The following CUBN variants were observed in gnomAD, a reference collection of about 807,000 sequenced individuals.
CUBN encodes cubilin, also known as 460 kDa receptor.
CUBN carries 282 observed loss-of-function variants against 405.3 expected under a neutral mutation model. The observed-to-expected ratio is 0.70, with a 90% confidence interval of 0.63 to 0.77. The LOEUF (loss-of-function observed/expected upper bound fraction) is 0.77, where lower values mean the gene tolerates loss of function less well. Ranked by LOEUF, CUBN falls within the 30% of genes least tolerant of loss-of-function variation. The pLI, the probability that CUBN is intolerant of heterozygous loss-of-function variation, is 0.00. For missense variants in CUBN, 4,514 were observed against 4,475.2 expected, an observed-to-expected ratio of 1.01 and a Z score of -0.25; for synonymous variants, 1,684 against 1,617.0, an observed-to-expected ratio of 1.04 and a Z score of -0.99.
In CUBN at chr10:16,876,945, TG is replaced by T; in HGVS notation, c.9057del (p.Asn3020ThrfsTer15). 1 of 1,614,168 alleles carries T rather than the reference TG, an allele frequency of 6.2e-7. No individual in the cohort carries two copies. The highest frequency in any genetic ancestry group is 8.5e-7 in the Non-Finnish European group (1 of 1,180,030). ...IAGPVLLNFY[S>X]NEQITDFGFK... The stretch of plus-strand genomic sequence containing the variant: ...AATCCGAAGTCTGTGATTTGCTCGT[TG>T]GAGTAGAAGTTAAGCAGAACCGGCC... On this transcript the variant is annotated frameshift_variant, in exon 57 of 67. Coordinates refer to ENST00000377833, the MANE Select transcript of CUBN (RefSeq NM_001081.4). LOFTEE classifies it high-confidence loss of function.
At chr10:17,070,249 G>C (rs1174321634) in intron 19 of CUBN, among the ~76,000 whole-genome samples, 2 of 152,312 alleles carry the variant, frequency 1.3e-5, no homozygotes, top group East Asian at 1.9e-4. Context: ...ACTTCAATAA[G>C]ATACTGTCTT....
chr10:17,125,737 C>T (rs1457362323), intron 4 of CUBN, among the ~76,000 whole-genome samples: 1 of 152,144 alleles, frequency 6.6e-6, no homozygotes, highest in Non-Finnish European at 1.5e-5. Flanking sequence ...TTCAACATTC[C>T]TCCTGAGGGA....
chr10:16,928,215 G>A lies in CUBN; in HGVS notation c.6213C>T (p.Ile2071=). 1 of 1,614,010 alleles carries A rather than the reference G, an allele frequency of 6.2e-7. No homozygotes were observed. Among genetic ancestry groups the A allele is most frequent in the Non-Finnish European group, 8.5e-7 (1 of 1,179,920 alleles). The change falls in exon 41 of 67, where the codon ATC becomes ATT. Residue 2071 remains isoleucine, a synonymous_variant. Coordinates refer to ENST00000377833, the MANE Select transcript of CUBN (RefSeq NM_001081.4). ...TTACACTGGAGTCCGAGGTGAAGCGGATGAACATGTACTCTCCAGTAGACC... is the reference window on the plus strand; with the variant it reads ...TTACACTGGAGTCCGAGGTGAAGCGAATGAACATGTACTCTCCAGTAGACC... ...PIRSTGEYMF[I]RFTSDSSVTR... is the part of the protein sequence containing the mutation.
Position 17,059,116 on chromosome 10 carries a change from C to CA in CUBN, c.3139+6391dup, listed in dbSNP as rs35107494. On this transcript the variant is annotated intron_variant, in intron 22 of 66. Transcript: ENST00000377833. ...ACATATTTTTCTCTCTGACCAACCT[C>CA]AAAAAAAAAAAATGTAAAGAAAGAA... Among the ~76,000 whole-genome samples the CA allele has an allele frequency of 7.2e-3, 1,040 of 145,042 alleles. 12 individuals are homozygous for CA. Among genetic ancestry groups the CA allele is most frequent in the African/African-American group, 0.026 (987 of 38,572 alleles).
rs143927367 is a variant in CUBN, at chr10:17,108,277, T to C, written c.1111+1363A>G. Among the ~76,000 whole-genome samples, 853 of 152,268 alleles carry C rather than the reference T, an allele frequency of 5.6e-3. 7 individuals carry two copies. The highest frequency in any genetic ancestry group is 9.2e-3 in the Non-Finnish European group (629 of 68,020). On this transcript the variant is annotated intron_variant, in intron 10 of 66. Coordinates refer to ENST00000377833, the MANE Select transcript of CUBN (RefSeq NM_001081.4). ...TCACTGAGGACAAGCAGCTAAAATC[T>C]GGTGGAGCCCAGGGAAAAATGCAAG... is the stretch of plus-strand genomic sequence containing the variant.
intron 56 of CUBN, among the ~76,000 whole-genome samples, chr10:16,877,481 T>C (rs1333016617): frequency 2.0e-5 from 3 of 152,076 alleles, no homozygotes; most frequent in Non-Finnish European, 4.4e-5. Context: ...GGGTTGCTCC[T>C]GAAGATGCTG....
At chr10:17,042,226 A>G (rs763590960) in intron 26 of CUBN, among the ~76,000 whole-genome samples, 6 of 152,170 alleles carry the variant, frequency 3.9e-5, no homozygotes, top group Non-Finnish European at 8.8e-5. Context: ...TTTAGGTCAC[A>G]GTTTTGTCCA....
At chr10:16,932,210 C>T (rs1327920916) in intron 40 of CUBN, among the ~76,000 whole-genome samples, 1 of 152,154 alleles carries the variant, frequency 6.6e-6, no homozygotes, top group Non-Finnish European at 1.5e-5. Context: ...TTTTCTCACT[C>T]GGCAGGGGTC....
chr10:16,969,192 A>G (rs777614593), intron 31 of CUBN, among the ~76,000 whole-genome samples: 1 of 152,174 alleles, frequency 6.6e-6, no homozygotes, highest in Admixed American at 6.5e-5. Flanking sequence ...GTCCTCTGAG[A>G]TTTTCCACCA....
intron 65 of CUBN, 69 bp downstream of exon 65, chr10:16,831,183 T>G (rs1838979187): frequency 7.4e-7 from 1 of 1,355,390 alleles, no homozygotes; most frequent in African/African-American, 1.4e-5. Flanking sequence ...AAAGTTACTT[T>G]GCCTTTTACT....
chr10:16,940,369 G>T, intron 36 of CUBN, 132 bp from the exon 37 acceptor site: 2 of 877,240 alleles, frequency 2.3e-6, no homozygotes, highest in Non-Finnish European at 3.6e-6. Context: ...ACATTATTTG[G>T]CTGTCTCAAA....
chr10:16,908,488 A>G (rs1841620714), intron 48 of CUBN, among the ~76,000 whole-genome samples: 1 of 152,232 alleles, frequency 6.6e-6, no homozygotes, highest in African/African-American at 2.4e-5. Flanking sequence ...TGAAAAATCA[A>G]TCTCCATCTG....
chr10:16,874,277 G>A lies in CUBN; in HGVS notation c.9236+97C>T, dbSNP rs1588610183. 1.3e-5 allele frequency: 16 copies of A among 1,278,724 alleles called. No individual in the cohort carries two copies. In the East Asian group the frequency reaches 3.5e-4, roughly 28 times the overall value. 79.2% of individuals were successfully genotyped at this position (1,278,724 alleles called of 1,614,324 possible). On this transcript the variant is annotated intron_variant, in intron 58 of 66. Coordinates refer to ENST00000377833, the MANE Select transcript of CUBN (RefSeq NM_001081.4). ...CTCTGTGTAGATTTCCCTCCAGACT[G>A]CCGATGAGAATCAGTGCCCTCCATC...
At chr10:16,930,169 C>T (rs1318944758) in intron 40 of CUBN, among the ~76,000 whole-genome samples, 1 of 152,166 alleles carries the variant, frequency 6.6e-6, no homozygotes, top group African/African-American at 2.4e-5. Flanking sequence ...TAGAAGGCAA[C>T]TTGGCAATTC....
intron 63 of CUBN, among the ~76,000 whole-genome samples, 165 bp from the exon 64 acceptor site, chr10:16,835,360 G>A (rs1839137942): frequency 6.6e-6 from 1 of 152,230 alleles, no homozygotes; most frequent in Admixed American, 6.5e-5. Context: ...GAGCAGTGAA[G>A]TGAATTGCTC....
In CUBN at chr10:17,068,051, A is replaced by T. The variant is rs781454995; in HGVS notation, c.3008+13T>A. On this transcript the variant is annotated intron_variant, in intron 21 of 66. Coordinates refer to ENST00000377833, the MANE Select transcript of CUBN (RefSeq NM_001081.4). ...AGTTTTATTGTTAAACAAACAAACA[A>T]ACATAACCTTACCTTCCAAGGGATG... is the stretch of plus-strand genomic sequence containing the variant. 2 of 1,597,036 alleles carry T rather than the reference A, an allele frequency of 1.3e-6. No individual in the cohort carries two copies. Among genetic ancestry groups the T allele is most frequent in the Non-Finnish European group, 8.6e-7 (1 of 1,164,788 alleles).
Position 17,045,040 on chromosome 10 carries a change from C to G in CUBN, c.3639G>C (p.Glu1213Asp). 6.2e-7 allele frequency: 1 copy of G among 1,614,034 alleles called. No individual in the cohort carries two copies. Among genetic ancestry groups the G allele is most frequent in the South Asian group, 1.1e-5 (1 of 91,080 alleles). The change falls in exon 25 of 67, where the codon GAG becomes GAC. Residue 1213 changes from glutamate (E) to aspartate (D), a missense_variant. Physicochemically the swap from Glu to Asp is conservative, Grantham distance 45 (BLOSUM62 2). Transcript: ENST00000377833. ...FELEFKDFHL[E>D]HHPNCTLDYL... ...AATCTAAAGTGCAGTTTGGATGATG[C>G]TCCAAGTGAAAGTCTTTGAATTCCA...
At chr10:17,015,826 A>C (rs1230000562) in intron 28 of CUBN, among the ~76,000 whole-genome samples, 2 of 152,096 alleles carry the variant, frequency 1.3e-5, no homozygotes, top group East Asian at 3.9e-4. Context: ...GTCCTTGTAA[A>C]CCACACTGAT....
At chr10:16,922,145 G>GT (rs34434556) in intron 43 of CUBN, among the ~76,000 whole-genome samples, 45,440 of 151,792 alleles carry the variant, frequency 0.3, 7,074 homozygotes, top group Non-Finnish European at 0.33. Flanking sequence ...GATTTTGTTT[G>GT]TTTACTGCCA....
Sources: gnomAD v4.1 joint callset for allele counts (sites outside exome capture counted in the v4.1 genomes callset) on GRCh38, gnomAD v4.1.1 for gene constraint, MANE v1.5 for transcripts, NCBI Gene and HGNC (gene_info 2026-07-23, HGNC 2026-07-21) for gene names.